The following KIRREL3 variants were observed in gnomAD, a reference collection of about 807,000 sequenced individuals.
KIRREL3 encodes the protein kin of IRRE-like protein 3.
Under a neutral mutation model 89.7 loss-of-function variants are expected in KIRREL3, and 36 were observed. The observed-to-expected ratio is 0.40, with a 90% CI of 0.31 to 0.53. The LOEUF (loss-of-function observed/expected upper bound fraction) is 0.53, where lower values mean the gene tolerates loss of function less well. Among genes scored for constraint, KIRREL3 ranks in the 20% least tolerant of loss-of-function variants. KIRREL3 has a pLI of 0.49. For missense variants in KIRREL3, 864 were observed against 1,056.6 expected (o/e 0.82, Z 2.53); for synonymous variants, 445 against 441.4 (o/e 1.01, Z -0.10).
chr11:126,923,206 T>TCTTCTTCTA lies in KIRREL3; in HGVS notation c.55+77248_55+77249insTAGAAGAAG, dbSNP rs1947485311. Among the ~76,000 whole-genome samples the TCTTCTTCTA allele has an allele frequency of 2.8e-3, 26 of 9,320 alleles. 2 individuals carry two copies. The highest frequency in any genetic ancestry group is 7.3e-3 in the African/African-American group (8 of 1,094). The allele number at this position is 9,320 out of a possible 152,430, so 6.1% of individuals were successfully genotyped here. On this transcript the variant is annotated intron_variant, in intron 1 of 16. Transcript: ENST00000525144. Reference sequence around the variant, plus strand: ...CTTCTTCTCTTCTTCTTCTTCTTCTTCTTCTTCTTCTTCTTCTTCTTCTTC... The same window carrying TCTTCTTCTA: ...CTTCTTCTCTTCTTCTTCTTCTTCTTCTTCTTCTACTTCTTCTTCTTCTTCTTCTTCTTC...
intron 1 of KIRREL3, among the ~76,000 whole-genome samples, chr11:126,585,919 A>C (rs1343152848): frequency 6.6e-6 from 1 of 152,236 alleles, no homozygotes; most frequent in African/African-American, 2.4e-5. Context: ...GAGACAGAGG[A>C]GGGAGATGTT....
intron 1 of KIRREL3, among the ~76,000 whole-genome samples, chr11:126,864,529 C>T (rs948179163): frequency 3.3e-5 from 5 of 152,164 alleles, no homozygotes; most frequent in Admixed American, 6.5e-5. Context: ...CTCCTGTTAG[C>T]AGCAAATATA....
rs1940392255 is a variant in KIRREL3 at position 126,564,762 on chromosome 11, G to A, written c.56-1850C>T. Among the ~76,000 whole-genome samples the A allele has an allele frequency of 6.6e-6, 1 of 152,152 alleles. No individual in the cohort carries two copies. Among genetic ancestry groups the A allele is most frequent in the Admixed American group, 6.5e-5 (1 of 15,270 alleles). ...TTCTTTCTAACAACCACCTTCAAGA[G>A]GCAGGAATGCAGCCTTCCAGGAGGG... On this transcript the variant is annotated intron_variant, in intron 1 of 16. Coordinates refer to ENST00000525144, the MANE Select transcript of KIRREL3 (RefSeq NM_032531.4). This position sits in a 1 kb window ranked among gnomAD's most constrained non-coding sequence, Gnocchi z 7.4.
rs771440710 is a variant in KIRREL3 at position 126,498,880 on chromosome 11, T to A, written c.433+22435A>T. 1.3e-5 allele frequency among the ~76,000 whole-genome samples: 2 copies of A among 152,142 alleles called. No homozygotes were observed. The highest frequency in any genetic ancestry group is 2.9e-5 in the Non-Finnish European group (2 of 68,024). ...AACTTCTGGATCATTAAAGAAGCTG[T>A]GTGGGCCAGGTGCAGTGGGTCCGCC... On this transcript the variant is annotated intron_variant, in intron 4 of 16. Transcript: ENST00000525144. The surrounding 1 kb of genome is among the most constrained non-coding windows in gnomAD (Gnocchi z 4.3).
At chr11:126,842,825 T>C (rs991535137) in intron 1 of KIRREL3, among the ~76,000 whole-genome samples, 10 of 152,200 alleles carry the variant, frequency 6.6e-5, no homozygotes, top group Non-Finnish European at 1.3e-4. Flanking sequence ...TTGAGCCCTG[T>C]CATAGACAGA....
chr11:126,618,898 T>C (rs1335211409), intron 1 of KIRREL3, among the ~76,000 whole-genome samples: 1 of 152,206 alleles, frequency 6.6e-6, no homozygotes, highest in East Asian at 1.9e-4. Flanking sequence ...GTCCACTGTT[T>C]GATCCTGCAT....
chr11:126,431,617 C>A lies in KIRREL3; in HGVS notation c.1589-91G>T. 4 of 1,304,394 alleles carry A rather than the reference C, an allele frequency of 3.1e-6. No individual in the cohort carries two copies. Among genetic ancestry groups the A allele is most frequent in the Non-Finnish European group, 4.3e-6 (4 of 939,144 alleles). 80.8% of individuals were successfully genotyped at this position (1,304,394 alleles called of 1,614,324 possible). On this transcript the variant is annotated intron_variant, in intron 13 of 16. Transcript: ENST00000525144. This position sits in a 1 kb window ranked among gnomAD's most constrained non-coding sequence, Gnocchi z 7.1. ...CACCCCGTTCCTGCGGGGGCAGCCC[C>A]TGCCACATGGGGCCCTCCTGGGAAA...
Position 126,642,303 on chromosome 11 carries a change from T to A in KIRREL3, c.56-79391A>T, listed in dbSNP as rs567502237. 3.9e-5 allele frequency among the ~76,000 whole-genome samples: 6 copies of A among 152,330 alleles called. No homozygotes were observed. The South Asian group carries it at 1.2e-3, about 32-fold the overall frequency. On this transcript the variant is annotated intron_variant, in intron 1 of 16. Transcript: ENST00000525144. The surrounding 1 kb of genome is among the most constrained non-coding windows in gnomAD (Gnocchi z 4.9). ...TTTCTGAGACCAGCAAGAGGCTCTG[T>A]TTGCGCCAAGTCTCCCTGTAAACAC...
chr11:126,858,515 C>A (rs532568537), intron 1 of KIRREL3, among the ~76,000 whole-genome samples: 3 of 152,292 alleles, frequency 2.0e-5, no homozygotes, highest in African/African-American at 7.2e-5. Context: ...CTCTCTGTCT[C>A]TGTCTCTTTT....
At chr11:126,786,261 G>A (rs1337995123) in intron 1 of KIRREL3, among the ~76,000 whole-genome samples, 2 of 152,176 alleles carry the variant, frequency 1.3e-5, no homozygotes, top group Non-Finnish European at 2.9e-5. Flanking sequence ...TTACTACCAT[G>A]TTAAAATATG....
rs1398826142 is a variant in KIRREL3, at chr11:126,750,867, C to T, written c.56-187955G>A. ...CATTTTCATGAGTACTAATAAAACA[C>T]ATGATAGTTATCACTTTAGGGATGG... On this transcript the variant is annotated intron_variant, in intron 1 of 16. Coordinates refer to ENST00000525144, the MANE Select transcript of KIRREL3 (RefSeq NM_032531.4). This position sits in a 1 kb window ranked among gnomAD's most constrained non-coding sequence, Gnocchi z 4.2. Among the ~76,000 whole-genome samples, 2 of 152,208 alleles carry T rather than the reference C, an allele frequency of 1.3e-5. No individual in the cohort carries two copies. Among genetic ancestry groups the T allele is most frequent in the Non-Finnish European group, 2.9e-5 (2 of 68,040 alleles).
In KIRREL3 at chr11:126,424,546, T is replaced by G. The variant is rs765255079; in HGVS notation, c.*34A>C. ...ACAACCAGAACGTGCCCTGACCTCTTCCCTGGCCCGTCCCCACCCGCGGTG... is the reference window on the plus strand; with the variant it reads ...ACAACCAGAACGTGCCCTGACCTCTGCCCTGGCCCGTCCCCACCCGCGGTG... On this transcript the variant is annotated 3_prime_UTR_variant, in exon 17 of 17. Coordinates refer to ENST00000525144, the MANE Select transcript of KIRREL3 (RefSeq NM_032531.4). 1.2e-6 allele frequency: 2 copies of G among 1,605,666 alleles called. No homozygotes were observed. The highest frequency in any genetic ancestry group is 8.5e-7 in the Non-Finnish European group (1 of 1,174,848).
In KIRREL3 at chr11:126,430,755, A is replaced by G. The variant is rs1955099436; in HGVS notation, c.1696+664T>C. On this transcript the variant is annotated intron_variant, in intron 14 of 16. Transcript: ENST00000525144. This position sits in a 1 kb window ranked among gnomAD's most constrained non-coding sequence, Gnocchi z 6.6. Reference sequence around the variant, plus strand: ...ATATCCTCATTATAAATGAGGAGACAGGCCTGGAATAACTGTGGCTGGCCC... The same window carrying G: ...ATATCCTCATTATAAATGAGGAGACGGGCCTGGAATAACTGTGGCTGGCCC... Among the ~76,000 whole-genome samples the G allele has an allele frequency of 6.6e-6, 1 of 152,216 alleles. No individual in the cohort carries two copies. Among genetic ancestry groups the G allele is most frequent in the African/African-American group, 2.4e-5 (1 of 41,448 alleles).
At chr11:126,675,074 G>T (rs988517950) in intron 1 of KIRREL3, among the ~76,000 whole-genome samples, 1 of 152,186 alleles carries the variant, frequency 6.6e-6, no homozygotes, top group African/African-American at 2.4e-5. Context: ...CTTGTTGCCT[G>T]CCAGGCCCCA....
rs990133043 is a variant in KIRREL3, at chr11:126,570,086, A to G, written c.56-7174T>C. Among the ~76,000 whole-genome samples the G allele has an allele frequency of 6.6e-6, 1 of 152,128 alleles. No homozygotes were observed. The highest frequency in any genetic ancestry group is 6.5e-5 in the Admixed American group (1 of 15,268). On this transcript the variant is annotated intron_variant, in intron 1 of 16. Transcript: ENST00000525144. The surrounding 1 kb of genome is among the most constrained non-coding windows in gnomAD (Gnocchi z 6.1). ...AGAGTGGAGTAGCAAAGGTATATTAATCCTGACTAGTGCCTGGCCCTGGAC... is the reference window on the plus strand; with the variant it reads ...AGAGTGGAGTAGCAAAGGTATATTAGTCCTGACTAGTGCCTGGCCCTGGAC...
Position 126,462,589 on chromosome 11 carries a change from C to T in KIRREL3, c.742+568G>A, listed in dbSNP as rs1956584512. 6.6e-6 allele frequency among the ~76,000 whole-genome samples: 1 copy of T among 152,188 alleles called. No individual in the cohort carries two copies. Among genetic ancestry groups the T allele is most frequent in the African/African-American group, 2.4e-5 (1 of 41,432 alleles). On this transcript the variant is annotated intron_variant, in intron 6 of 16. Transcript: ENST00000525144. This position sits in a 1 kb window ranked among gnomAD's most constrained non-coding sequence, Gnocchi z 4.8. ...GCTAAGACAGGAGAATCGCTTGAAC[C>T]TGGGCAGCAGAGGTTGCAGTGAGCC...
chr11:126,666,753 G>T lies in KIRREL3; in HGVS notation c.56-103841C>A, dbSNP rs1945682373. Among the ~76,000 whole-genome samples, 3 of 152,166 alleles carry T rather than the reference G, an allele frequency of 2.0e-5. No homozygotes were observed. Among genetic ancestry groups the T allele is most frequent in the African/African-American group, 7.2e-5 (3 of 41,446 alleles). ...CATTTTTATTTGTATTGACTAGGAG[G>T]TCTTTCACCAGAAGAATAAAAGACC... On this transcript the variant is annotated intron_variant, in intron 1 of 16. Coordinates refer to ENST00000525144, the MANE Select transcript of KIRREL3 (RefSeq NM_032531.4). The surrounding 1 kb of genome is among the most constrained non-coding windows in gnomAD (Gnocchi z 4.2).
chr11:126,829,962 C>A (rs1943553045), intron 1 of KIRREL3, among the ~76,000 whole-genome samples: 2 of 152,198 alleles, frequency 1.3e-5, no homozygotes. Context: ...AGTCTTTCCA[C>A]AGTTATTTCT....
At chr11:126,469,863 CCT>C (rs1437660928) in intron 5 of KIRREL3, among the ~76,000 whole-genome samples, 1 of 152,230 alleles carries the variant, frequency 6.6e-6, no homozygotes, top group African/African-American at 2.4e-5. Flanking sequence ...GTGACTGTCC[CCT>C]GAGGAATCTG....
Sources: gnomAD v4.1 joint callset for allele counts (sites outside exome capture counted in the v4.1 genomes callset) on GRCh38, gnomAD v4.1.1 for gene constraint, Gnocchi (gnomAD v3.1) non-coding constraint, MANE v1.5 for transcripts, NCBI Gene and HGNC (gene_info 2026-07-23, HGNC 2026-07-21) for gene names.